The following ZNF324B variants were observed in gnomAD, a reference collection of about 807,000 sequenced individuals.
ZNF324B encodes zinc finger protein 324B.
A neutral mutation model predicts 10.6 loss-of-function variants in ZNF324B; 7 were observed. The observed-to-expected ratio is 0.66, with a 90% CI of 0.38 to 1.24. The LOEUF is 1.24. Among genes scored for constraint, ZNF324B ranks in the 50% most tolerant of loss-of-function variants. The pLI is 0.02. For missense variants in ZNF324B, 640 were observed against 764.7 expected (o/e 0.84, Z 1.92); for synonymous variants, 316 against 321.0 (o/e 0.98, Z 0.17).
Position 58,453,696 on chromosome 19 carries a change from G to A in ZNF324B, c.-6G>A. The A allele has an allele frequency of 6.2e-7, 1 of 1,614,190 alleles. No individual in the cohort carries two copies. Among genetic ancestry groups the A allele is most frequent in the Non-Finnish European group, 8.5e-7 (1 of 1,180,026 alleles). ...TACCTCCACCTCCCTGCTGTTTTAG[G>A]ACCTGATGACCTTCGAGGATGTGGC... On this transcript the variant is annotated splice_region_variant and 5_prime_UTR_variant, in exon 2 of 4. Transcript: ENST00000336614.
the ZNF324B span, chr19:58,439,751 C>A: frequency 6.5e-7 from 1 of 1,533,424 alleles, no homozygotes; most frequent in Non-Finnish European, 8.8e-7. Context: ...GGGGCACACT[C>A]CACTTACCTG....
chr19:58,456,352 A>G lies in ZNF324B; in HGVS notation c.1408A>G (p.Ser470Gly). ...KGFAKGAVLL[S>G]HRRIHTGEKP... ...TTTCGCCAAGGGCGCCGTGCTGCTC[A>G]GCCACCGGCGCATTCACACGGGCGA... Residue 470 changes from serine (S) to glycine (G), a missense_variant, in exon 4 of 4, where the codon AGC becomes GGC. This residue lies in a region of ZNF324B where 238 missense variants were observed against 258.0 expected (regional missense o/e 0.92). Transcript: ENST00000336614. This position sits in a 1 kb window ranked among gnomAD's most constrained non-coding sequence, Gnocchi z 4.7. 6.2e-7 allele frequency: 1 copy of G among 1,612,516 alleles called. No individual in the cohort carries two copies. Among genetic ancestry groups the G allele is most frequent in the Non-Finnish European group, 8.5e-7 (1 of 1,179,866 alleles).
the ZNF324B span, among the ~76,000 whole-genome samples, chr19:58,439,351 A>T: frequency 6.6e-6 from 1 of 152,088 alleles, no homozygotes; most frequent in East Asian, 1.9e-4. Context: ...CAAACCTTCC[A>T]TGGCTCCCAC....
chr19:58,425,566 G>A, the ZNF324B span, among the ~76,000 whole-genome samples: 7 of 151,380 alleles, frequency 4.6e-5, no homozygotes, highest in Middle Eastern at 3.4e-3. Flanking sequence ...TGCCTGCCGG[G>A]TTCAAGCAAC....
chr19:58,454,269 C>G lies in ZNF324B; in HGVS notation c.163C>G (p.Arg55Gly), dbSNP rs141870370. Residue 55 changes from arginine to glycine, a missense_variant, in exon 3 of 4, where the codon CGT becomes GGT. This residue lies in a region of ZNF324B where 345 missense variants were observed against 387.9 expected (regional missense o/e 0.89). Coordinates refer to ENST00000336614, the MANE Select transcript of ZNF324B (RefSeq NM_207395.3). ...SRPRVVIQLERGEEPWVPSGK... is the reference protein window; with the variant it reads ...SRPRVVIQLEGGEEPWVPSGK... ...ACCTCGTGTGGTCATTCAACTTGAGCGTGGCGAGGAGCCCTGGGTTCCCAG... is the reference window on the plus strand; with the variant it reads ...ACCTCGTGTGGTCATTCAACTTGAGGGTGGCGAGGAGCCCTGGGTTCCCAG... 1 of 1,613,978 alleles carries G rather than the reference C, an allele frequency of 6.2e-7. No homozygotes were observed. The highest frequency in any genetic ancestry group is 8.5e-7 in the Non-Finnish European group (1 of 1,179,982).
At chr19:58,424,620 CAGTG>C in the ZNF324B span, among the ~76,000 whole-genome samples, 76 of 152,288 alleles carry the variant, frequency 5.0e-4, no homozygotes, top group African/African-American at 1.7e-3. Flanking sequence ...CTAGAACTCT[CAGTG>C]AGTTCTAATA....
chr19:58,440,491 C>A, the ZNF324B span: 2 of 152,756 alleles, frequency 1.3e-5, no homozygotes, highest in Admixed American at 1.3e-4. Context: ...TGGCATTTCT[C>A]GATTTTGTCT....
chr19:58,419,166 G>T, the ZNF324B span: 1 of 152,170 alleles, frequency 6.6e-6, no homozygotes, highest in Non-Finnish European at 1.5e-5. Flanking sequence ...AGCTCACCTT[G>T]CGGAAGGGAA....
chr19:58,433,126 C>G, the ZNF324B span: 2 of 623,976 alleles, frequency 3.2e-6, no homozygotes, highest in African/African-American at 3.7e-5. Context: ...TGGAAAGTGA[C>G]TATGGCTTCT....
At chr19:58,442,623 A>G in the ZNF324B span, 1 of 150,872 alleles carries the variant, frequency 6.6e-6, no homozygotes, top group African/African-American at 2.4e-5. Context: ...CAGCTCTTAA[A>G]GGTGGCACAT....
At chr19:58,445,962 C>T in the ZNF324B span, 1 of 157,622 alleles carries the variant, frequency 6.3e-6, no homozygotes, top group Non-Finnish European at 1.4e-5. Context: ...TGATGAAACC[C>T]TGTCTCTACT....
the ZNF324B span, chr19:58,434,899 C>T: frequency 6.2e-7 from 1 of 1,614,144 alleles, no homozygotes; most frequent in Non-Finnish European, 8.5e-7. Flanking sequence ...GACTTTAGAG[C>T]TCTTCATAAG....
At chr19:58,444,592 G>T in the ZNF324B span, 1 of 152,168 alleles carries the variant, frequency 6.6e-6, no homozygotes, top group Non-Finnish European at 1.5e-5. Flanking sequence ...CCTGGACTTC[G>T]CTCACTGCAT....
the ZNF324B span, chr19:58,434,190 G>C: frequency 6.2e-7 from 1 of 1,614,204 alleles, no homozygotes; most frequent in Non-Finnish European, 8.5e-7. Context: ...AGTGCTGAAT[G>C]AGAGCAGAGC....
the ZNF324B span, chr19:58,434,154 C>A: frequency 7.5e-4 from 1,213 of 1,611,908 alleles, 4 homozygotes; most frequent in African/African-American, 9.7e-3. Flanking sequence ...TGCATTCATA[C>A]GGTCTTTCTC....
At chr19:58,424,401 A>G in the ZNF324B span, among the ~76,000 whole-genome samples, 31,891 of 152,216 alleles carry the variant, frequency 0.21, 3,702 homozygotes, top group Non-Finnish European at 0.27. Context: ...ATAATCATCC[A>G]AAGTTTAAAA....
chr19:58,442,385 A>T, the ZNF324B span: 1 of 148,796 alleles, frequency 6.7e-6, no homozygotes, highest in Admixed American at 6.6e-5. Context: ...CTTGTTAGCC[A>T]GGATGGTCTC....
the ZNF324B span, chr19:58,442,991 T>C: frequency 3.1e-5 from 1 of 32,072 alleles, no homozygotes; most frequent in Non-Finnish European, 5.7e-5. Flanking sequence ...GATTGGTCCA[T>C]TATACAGAGC....
At chr19:58,420,518 G>A in the ZNF324B span, among the ~76,000 whole-genome samples, 26,564 of 134,172 alleles carry the variant, frequency 0.2, 2,566 homozygotes, top group Non-Finnish European at 0.24. Flanking sequence ...CGCTTGAGCC[G>A]AGAAGTTCAT....
Sources: allele counts gnomAD v4.1 joint callset (sites outside exome capture counted in the v4.1 genomes callset), GRCh38; gene constraint gnomAD v4.1.1; regional missense constraint gnomAD v4.1.1; non-coding constraint Gnocchi (gnomAD v3.1); transcripts MANE v1.5; gene names NCBI Gene and HGNC (gene_info 2026-07-23, HGNC 2026-07-21).